The following DLG2 variants were observed in gnomAD, a reference collection of about 807,000 sequenced individuals.
DLG2 encodes disks large homolog 2.
DLG2 carries 45 observed loss-of-function variants against 132.5 expected under a neutral mutation model. The observed-to-expected ratio is 0.34, with a 90% CI of 0.27 to 0.44. The LOEUF (loss-of-function observed/expected upper bound fraction) is 0.44. DLG2 is among the 20% of genes least tolerant of loss of function. The pLI is 1.00. For missense variants in DLG2, 1,045 were observed against 1,196.9 expected, an observed-to-expected ratio of 0.87 and a Z score of 1.87; for synonymous variants, 424 against 419.6, an observed-to-expected ratio of 1.01 and a Z score of -0.13.
At chr11:84,529,576 C>G (rs924935752) in intron 7 of DLG2, among the ~76,000 whole-genome samples, 1 of 152,136 alleles carries the variant, frequency 6.6e-6, no homozygotes, top group Non-Finnish European at 1.5e-5. Context: ...CCTATGAATA[C>G]AGCTAACCAT....
At chr11:83,621,179 A>G (rs79031302) in intron 19 of DLG2, among the ~76,000 whole-genome samples, 5,644 of 152,214 alleles carry the variant, frequency 0.037, 359 homozygotes, top group African/African-American at 0.13. Context: ...CAATTCAAAT[A>G]TATATTATAA....
chr11:85,412,725 T>TCACACACACACACACACACACA (rs542505541), intron 3 of DLG2, among the ~76,000 whole-genome samples: 1 of 92,254 alleles, frequency 1.1e-5, no homozygotes, highest in Non-Finnish European at 2.2e-5. Context: ...GAGCAGTATT[T>TCACACACACACACACACACACA]CACACACACA....
At chr11:84,494,243 T>C (rs1289090238) in intron 7 of DLG2, among the ~76,000 whole-genome samples, 3 of 152,188 alleles carry the variant, frequency 2.0e-5, no homozygotes, top group Non-Finnish European at 4.4e-5. Flanking sequence ...TTCTTAGCTC[T>C]TAATCGGAAA....
At chr11:83,843,945 G>A (rs1173677392) in intron 16 of DLG2, among the ~76,000 whole-genome samples, 1 of 152,150 alleles carries the variant, frequency 6.6e-6, no homozygotes, top group Non-Finnish European at 1.5e-5. Flanking sequence ...GCTTGGCTAA[G>A]CTTGCAAGTA....
intron 11 of DLG2, among the ~76,000 whole-genome samples, chr11:83,998,190 C>A (rs970904408): frequency 6.6e-5 from 10 of 152,078 alleles, no homozygotes; most frequent in Non-Finnish European, 1.5e-4. Flanking sequence ...GAGGAGCACA[C>A]TCTGGTCTTG....
chr11:84,350,663 G>A (rs1451609606), intron 7 of DLG2, among the ~76,000 whole-genome samples: 1 of 152,162 alleles, frequency 6.6e-6, no homozygotes, highest in Admixed American at 6.5e-5. Context: ...TTCAATAAAT[G>A]TTTCCTAATG....
intron 3 of DLG2, among the ~76,000 whole-genome samples, chr11:85,465,008 A>T (rs1322382477): frequency 1.5e-5 from 2 of 130,384 alleles, no homozygotes; most frequent in East Asian, 5.3e-4. Flanking sequence ...TAGGAGGTGG[A>T]GGTTGTAGTG....
At chr11:83,704,862 A>T (rs984731680) in intron 18 of DLG2, among the ~76,000 whole-genome samples, 1 of 152,080 alleles carries the variant, frequency 6.6e-6, no homozygotes, top group Non-Finnish European at 1.5e-5. Flanking sequence ...GCAGGAAAAA[A>T]ACTGAGTATA....
At chr11:84,709,415 T>C (rs2060127470) in intron 6 of DLG2, among the ~76,000 whole-genome samples, 1 of 151,974 alleles carries the variant, frequency 6.6e-6, no homozygotes, top group Non-Finnish European at 1.5e-5. Context: ...GAAAGAAAAC[T>C]AATATTTATT....
At position 84,320,458 on chromosome 11, in the gene DLG2, G is replaced by A. The variant is rs191840921; in HGVS notation, c.520-69167C>T. ...CATCCTTATCAGCCACAAGTAATAC[G>A]CCAAATAATCATAAAATGCTTTGAA... On this transcript the variant is annotated intron_variant, in intron 7 of 27. Transcript: ENST00000376104. Among the ~76,000 whole-genome samples the A allele has an allele frequency of 2.0e-4, 30 of 152,162 alleles. 1 individual carries two copies. Among genetic ancestry groups the A allele is most frequent in the South Asian group, 8.3e-4 (4 of 4,816 alleles).
chr11:83,581,891 T>A (rs868176617), intron 19 of DLG2, among the ~76,000 whole-genome samples: 2 of 151,442 alleles, frequency 1.3e-5, no homozygotes, highest in African/African-American at 4.8e-5. Context: ...TAGGTTCCCA[T>A]ATTTCCTTCT....
chr11:84,632,187 G>T (rs529454800), intron 6 of DLG2, among the ~76,000 whole-genome samples: 5 of 151,938 alleles, frequency 3.3e-5, no homozygotes, highest in Non-Finnish European at 4.4e-5. Context: ...ATAGAACTCA[G>T]AGGTTATTCT....
intron 10 of DLG2, among the ~76,000 whole-genome samples, chr11:84,065,639 T>C (rs1009537647): frequency 1.3e-5 from 2 of 152,126 alleles, no homozygotes; most frequent in African/African-American, 4.8e-5. Flanking sequence ...AGTTCAGCCA[T>C]TGTGGGAAGG....
intron 4 of DLG2, among the ~76,000 whole-genome samples, chr11:85,276,790 T>C (rs2077918229): frequency 6.6e-6 from 1 of 152,130 alleles, no homozygotes; most frequent in Admixed American, 6.6e-5. Flanking sequence ...TCATAAACAT[T>C]TATTGAATAC....
intron 18 of DLG2, 77 bp from the exon 19 acceptor site, chr11:83,633,402 C>A (rs549891472): frequency 1.7e-6 from 2 of 1,182,936 alleles, no homozygotes; most frequent in Middle Eastern, 2.1e-4. Flanking sequence ...CCAGGCAGCC[C>A]CTCACCCACG....
chr11:85,454,550 T>A (rs776674687), intron 3 of DLG2, among the ~76,000 whole-genome samples: 2 of 152,216 alleles, frequency 1.3e-5, no homozygotes, highest in Non-Finnish European at 2.9e-5. Context: ...ATCCAATTTA[T>A]CAATTATTAT....
intron 10 of DLG2, among the ~76,000 whole-genome samples, chr11:84,062,976 T>A (rs1034566378): frequency 6.6e-6 from 1 of 152,174 alleles, no homozygotes; most frequent in Non-Finnish European, 1.5e-5. Context: ...CATGTAAGTA[T>A]ATAATTAGCT....
Position 83,612,886 on chromosome 11 carries a change from G to C in DLG2, c.1940+20325C>G, listed in dbSNP as rs571012295. On this transcript the variant is annotated intron_variant, in intron 19 of 27. Coordinates refer to ENST00000376104, the MANE Select transcript of DLG2 (RefSeq NM_001142699.3). The stretch of plus-strand genomic sequence containing the variant: ...AGAGGAGGGTGTAGAGGTAGGCAGA[G>C]TCCAAGTTAAAATAGTCTTCTTTAC... Among the ~76,000 whole-genome samples, 4 of 152,262 alleles carry C rather than the reference G, an allele frequency of 2.6e-5. No individual in the cohort carries two copies. In the South Asian group the frequency reaches 8.3e-4, roughly 32 times the overall value.
intron 8 of DLG2, among the ~76,000 whole-genome samples, chr11:84,165,412 T>A (rs539084362): frequency 6.6e-6 from 1 of 152,328 alleles, no homozygotes; most frequent in Admixed American, 6.5e-5. Flanking sequence ...TTTTTAGAAG[T>A]ATTATATATG....
Sources: allele counts gnomAD v4.1 joint callset (sites outside exome capture counted in the v4.1 genomes callset), GRCh38; gene constraint gnomAD v4.1.1; transcripts MANE v1.5; gene names NCBI Gene and HGNC (gene_info 2026-07-23, HGNC 2026-07-21).